Variants in ZNF2 observed in about 807,000 individuals in gnomAD.
ZNF2 encodes the protein zinc finger protein 2, also known as zinc finger protein 2.2.
ZNF2 carries 12 observed loss-of-function variants against 21.9 expected under a neutral mutation model. The observed-to-expected ratio is 0.55, with a 90% CI of 0.35 to 0.89. ZNF2 has a LOEUF of 0.89. Among genes scored for constraint, ZNF2 ranks in the 40% least tolerant of loss-of-function variants. The probability of loss-of-function intolerance (pLI) is 0.01; values close to 1 mark genes in which losing one functional copy is unlikely to be tolerated. For missense variants in ZNF2, 462 were observed against 544.2 expected, an observed-to-expected ratio of 0.85 and a Z score of 1.50; for synonymous variants, 186 against 196.3, an observed-to-expected ratio of 0.95 and a Z score of 0.44.
At chr2:95,173,951 C>T (rs1674360469) in intron 1 of ZNF2, among the ~76,000 whole-genome samples, 1 of 152,182 alleles carries the variant, frequency 6.6e-6, no homozygotes, top group African/African-American at 2.4e-5. Context: ...CCTCATGATC[C>T]GCATGTCTTG....
At chr2:95,174,010 AGAT>A (rs1237266701) in intron 1 of ZNF2, among the ~76,000 whole-genome samples, 1 of 152,176 alleles carries the variant, frequency 6.6e-6, no homozygotes, top group East Asian at 1.9e-4. Context: ...TGCCAGGCCA[AGAT>A]GATGTTTAAT....
rs1558716104 is a variant in ZNF2, at chr2:95,181,106, G to A, written c.278G>A (p.Trp93Ter). 6.2e-7 allele frequency: 1 copy of A among 1,612,408 alleles called. No individual in the cohort carries two copies. The highest frequency in any genetic ancestry group is 2.2e-5 in the East Asian group (1 of 44,858). Residue 93 changes from tryptophan (W) to a stop codon, truncating the protein, a stop_gained, in exon 5 of 5, where the codon TGG (tryptophan) becomes TAG (stop). Transcript: ENST00000614034. LOFTEE classifies it low-confidence loss of function (END_TRUNC). ...ATCTGTTTTCTGTTTGTTCCAGACTGGGAAACTAAGCCTGAGATTCACGAT... is the reference window on the plus strand; with the variant it reads ...ATCTGTTTTCTGTTTGTTCCAGACTAGGAAACTAAGCCTGAGATTCACGAT... Reference protein sequence around the residue: ...REWPESVSLDWETKPEIHDAS... With the variant: ...REWPESVSLD
intron 1 of ZNF2, among the ~76,000 whole-genome samples, chr2:95,167,723 TGTAATCCCAGCTACTTGGGA>T (rs1425125737): frequency 6.6e-6 from 1 of 151,578 alleles, no homozygotes; most frequent in Admixed American, 6.6e-5. Flanking sequence ...GGCGGGTGCC[TGTAATCCCAGCTACTTGGGA>T]GGCTGAGGTG....
Position 95,181,179 on chromosome 2 carries a change from G to T in ZNF2, c.351G>T (p.Arg117Ser), listed in dbSNP as rs749956806. ...SEGSLRECLG[R>S]QSPLCPKFEV... ...GATCATTGAGGGAATGCCTTGGAAG[G>T]CAAAGTCCTCTGTGTCCTAAATTTG... is the stretch of plus-strand genomic sequence containing the variant. The change falls in exon 5 of 5, where the codon AGG becomes AGT. Residue 117 changes from arginine (R) to serine (S), a missense_variant. By Grantham distance (110) the Arg-to-Ser change is moderately radical. Transcript: ENST00000614034. 10 of 1,614,082 alleles carry T rather than the reference G, an allele frequency of 6.2e-6. No individual in the cohort carries two copies. In the African/African-American group the frequency reaches 9.3e-5, roughly 15 times the overall value.
chr2:95,178,733 A>C (rs1247929735), intron 3 of ZNF2, among the ~76,000 whole-genome samples: 1 of 152,216 alleles, frequency 6.6e-6, no homozygotes, highest in Non-Finnish European at 1.5e-5. Flanking sequence ...AAATAATAGG[A>C]CTAGTAGTCC....
rs1221287913 is a variant in ZNF2, at chr2:95,168,181, C to G, written c.-40+2321C>G. On this transcript the variant is annotated intron_variant, in intron 1 of 4. Transcript: ENST00000614034. ...GTGGCTCATGCCTGTAATCCCAGCA[C>G]TGTGGGAGGCTGAGGCAGGCAGATC... Among the ~76,000 whole-genome samples, 4 of 151,282 alleles carry G rather than the reference C, an allele frequency of 2.6e-5. No homozygotes were observed. In the East Asian group the frequency reaches 7.8e-4, roughly 29 times the overall value.
In ZNF2 at chr2:95,181,069, G is replaced by A. The variant is rs141444847; in HGVS notation, c.275-34G>A. The A allele has an allele frequency of 7.4e-5, 118 of 1,596,894 alleles. 1 individual carries two copies. The East Asian group carries it at 2.6e-3, about 35-fold the overall frequency. On this transcript the variant is annotated intron_variant, in intron 4 of 4. Transcript: ENST00000614034. The stretch of plus-strand genomic sequence containing the variant: ...CTTTCTGTAATATTTCCTAGCCCAG[G>A]AAAAAAACTGCATCTGTTTTCTGTT...
intron 3 of ZNF2, among the ~76,000 whole-genome samples, chr2:95,178,904 T>C: frequency 6.6e-6 from 1 of 151,992 alleles, no homozygotes; most frequent in East Asian, 1.9e-4. Context: ...AGTACTGATA[T>C]AAATAAAATG....
chr2:95,168,527 C>T (rs1674164011), intron 1 of ZNF2, among the ~76,000 whole-genome samples: 1 of 152,272 alleles, frequency 6.6e-6, no homozygotes, highest in South Asian at 2.1e-4. Flanking sequence ...AGGTAAAGTC[C>T]TGGAGACAGA....
chr2:95,181,217 C>A lies in ZNF2; in HGVS notation c.389C>A (p.Pro130His). 1.2e-6 allele frequency: 2 copies of A among 1,614,170 alleles called. No individual in the cohort carries two copies. Among genetic ancestry groups the A allele is most frequent in the Non-Finnish European group, 1.7e-6 (2 of 1,180,028 alleles). Residue 130 changes from proline (P) to histidine (H), a missense_variant, in exon 5 of 5, where the codon CCC (proline) becomes CAC (histidine). Transcript: ENST00000614034. Reference sequence around the variant, plus strand: ...TGTCCTAAATTTGAAGTTCATACACCCAATGGCAGGATGGGAACAGAAAAG... The same window carrying A: ...TGTCCTAAATTTGAAGTTCATACACACAATGGCAGGATGGGAACAGAAAAG... ...PLCPKFEVHT[P>H]NGRMGTEKQS...
chr2:95,180,970 C>G, intron 4 of ZNF2, 133 bp from the exon 5 acceptor site: 1 of 1,088,622 alleles, frequency 9.2e-7, no homozygotes, highest in Non-Finnish European at 1.3e-6. Context: ...TCCCTCCCTG[C>G]CGTGTAAGAC....
chr2:95,172,408 A>G (rs889214302), intron 1 of ZNF2, among the ~76,000 whole-genome samples: 5 of 152,164 alleles, frequency 3.3e-5, no homozygotes, highest in African/African-American at 1.2e-4. Flanking sequence ...TTTTCTGCAC[A>G]CCACCCTTCT....
intron 3 of ZNF2, among the ~76,000 whole-genome samples, chr2:95,179,480 A>G (rs1275110019): frequency 1.3e-5 from 2 of 152,226 alleles, no homozygotes; most frequent in Admixed American, 6.5e-5. Context: ...ATAAACAAAA[A>G]TGGGCAGTTT....
At chr2:95,178,974 T>C (rs1041701751) in intron 3 of ZNF2, among the ~76,000 whole-genome samples, 1 of 151,544 alleles carries the variant, frequency 6.6e-6, no homozygotes, top group Non-Finnish European at 1.5e-5. Context: ...CATTTCATTA[T>C]CCAGGTTTGG....
At chr2:95,178,734 CTAG>C (rs775007237) in intron 3 of ZNF2, among the ~76,000 whole-genome samples, 10 of 152,082 alleles carry the variant, frequency 6.6e-5, no homozygotes, top group Non-Finnish European at 1.5e-4. Flanking sequence ...AATAATAGGA[CTAG>C]TAGTCCATGG....
chr2:95,180,414 A>T, intron 4 of ZNF2, 142 bp downstream of exon 4: 4 of 555,618 alleles, frequency 7.2e-6, no homozygotes, highest in East Asian at 3.0e-5. Flanking sequence ...AATAGCTTTT[A>T]TTTTTTTCCC....
At position 95,180,240 on chromosome 2, in the gene ZNF2, A is replaced by G; in HGVS notation, c.242A>G (p.Glu81Gly). 1 of 1,614,016 alleles carries G rather than the reference A, an allele frequency of 6.2e-7. No individual in the cohort carries two copies. Among genetic ancestry groups the G allele is most frequent in the Non-Finnish European group, 8.5e-7 (1 of 1,179,906 alleles). ...KPWMVDLHGS[E>G]EREWPESVSL... ...TGGATGGTAGATCTTCATGGGTCTG[A>G]GGAGAGAGAATGGCCAGAGAGTGTC... Residue 81 changes from glutamate to glycine, a missense_variant, in exon 4 of 5, where the codon GAG (glutamate) becomes GGG (glycine). Transcript: ENST00000614034.
rs1674726178 is a variant in ZNF2, at chr2:95,182,832, G to A, written c.*726G>A. ...ATTCTCTTTACCATTATGCTCGATG[G>A]TTTGTTTGTTTTATAATTTATGTAT... On this transcript the variant is annotated 3_prime_UTR_variant, in exon 5 of 5. Coordinates refer to ENST00000614034, the MANE Select transcript of ZNF2 (RefSeq NM_021088.4). The A allele has an allele frequency of 6.6e-6, 1 of 152,338 alleles. No individual in the cohort carries two copies. Among genetic ancestry groups the A allele is most frequent in the Admixed American group, 6.5e-5 (1 of 15,274 alleles). 9.4% of individuals were successfully genotyped at this position (152,338 alleles called of 1,614,324 possible). A position where few individuals can be genotyped will look rare whatever the true frequency, so the allele number is the denominator to read the frequency against.
chr2:95,182,028 T>G lies in ZNF2; in HGVS notation c.1200T>G (p.Thr400=). Residue 400 remains threonine (T), a synonymous_variant, in exon 5 of 5, where the codon ACT becomes ACG. Coordinates refer to ENST00000614034, the MANE Select transcript of ZNF2 (RefSeq NM_021088.4). The stretch of plus-strand genomic sequence containing the variant: ...CGGGAGAGAAGCCCTTTGAATGCAC[T>G]GTGTGTGGGAAAGTTTTCAGTTCAA... ...VHTGEKPFEC[T]VCGKVFSSKS... is the part of the protein sequence containing the mutation. 6.2e-7 allele frequency: 1 copy of G among 1,614,112 alleles called. No individual in the cohort carries two copies.
Sources: gnomAD v4.1 joint callset for allele counts (sites outside exome capture counted in the v4.1 genomes callset) on GRCh38, gnomAD v4.1.1 for gene constraint, MANE v1.5 for transcripts, NCBI Gene and HGNC (gene_info 2026-07-23, HGNC 2026-07-21) for gene names.